Variants in SDK1 observed in about 807,000 individuals in gnomAD.
SDK1 encodes protein sidekick-1.
A neutral mutation model predicts 245.5 loss-of-function variants in SDK1; 157 were observed. The ratio of observed to expected loss-of-function variants is 0.64; its 90% CI spans 0.56 to 0.73. The LOEUF (loss-of-function observed/expected upper bound fraction) is 0.73, where lower values mean the gene tolerates loss of function less well. Ranked by LOEUF, SDK1 falls within the 30% of genes least tolerant of loss-of-function variation. The pLI is 0.00. For synonymous variants in SDK1, 1,647 were observed against 1,278.5 expected, an observed-to-expected ratio of 1.29 and a Z score of -6.15; for missense variants, 3,583 against 3,002.3, an observed-to-expected ratio of 1.19 and a Z score of -4.52.
Position 3,514,779 on chromosome 7 carries a change from C to T in SDK1, c.299-104301C>T, listed in dbSNP as rs149469291. Among the ~76,000 whole-genome samples, 551 of 152,280 alleles carry T rather than the reference C, an allele frequency of 3.6e-3. 7 individuals are homozygous for T. The highest frequency in any genetic ancestry group is 0.012 in the African/African-American group (504 of 41,572). ...GGAACAAGGTACATTGTTTTATGCC[C>T]AGCTGAAAATCAGGATTTGTATTAC... On this transcript the variant is annotated intron_variant, in intron 1 of 44. Transcript: ENST00000404826.
At chr7:4,094,683 C>A (rs1193017252) in intron 22 of SDK1, among the ~76,000 whole-genome samples, 1 of 152,192 alleles carries the variant, frequency 6.6e-6, no homozygotes, top group Non-Finnish European at 1.5e-5. Flanking sequence ...TGTGGACCTC[C>A]CTGGCACAGC....
intron 4 of SDK1, among the ~76,000 whole-genome samples, chr7:3,793,839 A>G (rs1054104886): frequency 2.0e-5 from 3 of 152,102 alleles, no homozygotes; most frequent in African/African-American, 4.8e-5. Context: ...TTTCTGCACA[A>G]TGGCAGTCAC....
At chr7:4,167,791 T>G (rs1296184110) in intron 32 of SDK1, among the ~76,000 whole-genome samples, 1 of 152,234 alleles carries the variant, frequency 6.6e-6, no homozygotes, top group Middle Eastern at 3.2e-3. Flanking sequence ...ACCTTTTGTT[T>G]CCAGTCATAT....
intron 2 of SDK1, among the ~76,000 whole-genome samples, chr7:3,629,608 A>C (rs1782229669): frequency 6.6e-6 from 1 of 152,210 alleles, no homozygotes; most frequent in Non-Finnish European, 1.5e-5. Flanking sequence ...CCCTAGACCA[A>C]ATACTGCTCT....
At chr7:4,116,797 C>T (rs1339710062) in intron 25 of SDK1, among the ~76,000 whole-genome samples, 2 of 152,208 alleles carry the variant, frequency 1.3e-5, no homozygotes, top group African/African-American at 2.4e-5. Flanking sequence ...CCCTGGAGCC[C>T]ACCAATGAGA....
intron 1 of SDK1, among the ~76,000 whole-genome samples, chr7:3,556,104 G>T (rs1031377652): frequency 1.3e-5 from 2 of 152,114 alleles, no homozygotes; most frequent in Non-Finnish European, 2.9e-5. Flanking sequence ...TACCGAAGAG[G>T]TATCTGTACT....
chr7:3,888,846 A>T (rs755594960), intron 5 of SDK1, among the ~76,000 whole-genome samples: 4 of 152,184 alleles, frequency 2.6e-5, no homozygotes, highest in Admixed American at 2.6e-4. Flanking sequence ...CTCGTATTCT[A>T]TATGTTATGC....
At chr7:3,351,803 CAT>C (rs1380885844) in intron 1 of SDK1, among the ~76,000 whole-genome samples, 1 of 152,096 alleles carries the variant, frequency 6.6e-6, no homozygotes, top group Non-Finnish European at 1.5e-5. Flanking sequence ...GGGAAGTTAA[CAT>C]ACCTTTCTGA....
intron 13 of SDK1, among the ~76,000 whole-genome samples, chr7:3,982,592 A>G (rs10264679): frequency 0.57 from 86,523 of 151,920 alleles, 25,465 homozygotes; most frequent in South Asian, 0.69. Context: ...TGTAATCCCA[A>G]CACTTTGGGA....
chr7:3,580,968 C>CAAAAAAAAAAA (rs60617574), intron 1 of SDK1, among the ~76,000 whole-genome samples: 17 of 24,864 alleles, frequency 6.8e-4, no homozygotes, highest in Non-Finnish European at 1.3e-3. Context: ...GACTCCATCT[C>CAAAAAAAAAAA]AAAAAAAAAA....
rs7791820 is a variant in SDK1, at chr7:3,313,548, T to C, written c.298+11664T>C. Among the ~76,000 whole-genome samples, 623 of 152,138 alleles carry C rather than the reference T, an allele frequency of 4.1e-3. 7 individuals carry two copies. Among genetic ancestry groups the C allele is most frequent in the African/African-American group, 0.014 (574 of 41,530 alleles). ...GTAAAGTGCTAAATGATAGGAAGCATTGTTGCAATGTGCCCCTTAAATTTA... is the reference window on the plus strand; with the variant it reads ...GTAAAGTGCTAAATGATAGGAAGCACTGTTGCAATGTGCCCCTTAAATTTA... On this transcript the variant is annotated intron_variant, in intron 1 of 44. Transcript: ENST00000404826.
rs771876072 is a variant in SDK1, at chr7:3,390,610, T to C, written c.298+88726T>C. 2.0e-5 allele frequency among the ~76,000 whole-genome samples: 3 copies of C among 152,200 alleles called. 1 individual carries two copies. The South Asian group carries it at 6.2e-4, about 31-fold the overall frequency. Reference sequence around the variant, plus strand: ...TATAATCCAATGACTAGTATCCTTATATGATGAGGGGGCTTTGGACATAGG... The same window carrying C: ...TATAATCCAATGACTAGTATCCTTACATGATGAGGGGGCTTTGGACATAGG... On this transcript the variant is annotated intron_variant, in intron 1 of 44. Coordinates refer to ENST00000404826, the MANE Select transcript of SDK1 (RefSeq NM_152744.4).
At chr7:3,657,422 G>A (rs970081656) in intron 4 of SDK1, among the ~76,000 whole-genome samples, 2 of 152,140 alleles carry the variant, frequency 1.3e-5, no homozygotes, top group African/African-American at 2.4e-5. Flanking sequence ...CTGGAAAGAG[G>A]GTGAGGAGCG....
At chr7:3,891,436 A>C (rs979315517) in intron 5 of SDK1, among the ~76,000 whole-genome samples, 1 of 152,170 alleles carries the variant, frequency 6.6e-6, no homozygotes, top group African/African-American at 2.4e-5. Context: ...CATAGGAAGG[A>C]TGAATGCCGA....
At chr7:3,908,538 A>T (rs1194637918) in intron 5 of SDK1, among the ~76,000 whole-genome samples, 2 of 152,176 alleles carry the variant, frequency 1.3e-5, no homozygotes, top group African/African-American at 4.8e-5. Flanking sequence ...TCCCCTAAAA[A>T]GGGTGATATT....
chr7:3,822,774 GAA>G (rs111711910), intron 5 of SDK1, among the ~76,000 whole-genome samples: 3 of 117,672 alleles, frequency 2.5e-5, no homozygotes. Context: ...ATCTCAAAAA[GAA>G]AAAAAAAAAA....
At chr7:3,318,247 C>T (rs747515146) in intron 1 of SDK1, among the ~76,000 whole-genome samples, 2 of 152,132 alleles carry the variant, frequency 1.3e-5, no homozygotes, top group African/African-American at 4.8e-5. Context: ...AGCTTTAAAG[C>T]CGTCTGCTGT....
At chr7:3,484,530 C>G (rs1781617751) in intron 1 of SDK1, among the ~76,000 whole-genome samples, 1 of 152,160 alleles carries the variant, frequency 6.6e-6, no homozygotes. Context: ...GCAGTTCAAA[C>G]CAGAGTTGTT....
chr7:4,010,115 C>G (rs1347558468), intron 14 of SDK1, among the ~76,000 whole-genome samples: 2 of 152,202 alleles, frequency 1.3e-5, no homozygotes. Flanking sequence ...GAAGAATTTC[C>G]CCCACCCAGG....
Sources: allele counts gnomAD v4.1 joint callset (sites outside exome capture counted in the v4.1 genomes callset), GRCh38; gene constraint gnomAD v4.1.1; transcripts MANE v1.5; gene names NCBI Gene and HGNC (gene_info 2026-07-23, HGNC 2026-07-21).